SVIL: variants seen among roughly 807,000 people sequenced by gnomAD.
The protein encoded by SVIL is supervillin, also known as archvillin.
SVIL carries 101 observed loss-of-function variants against 240.4 expected under a neutral mutation model. That is an observed-to-expected ratio of 0.42 (90% CI 0.36 to 0.50). SVIL has a LOEUF of 0.50. Ranked by LOEUF, SVIL falls within the 20% of genes least tolerant of loss-of-function variation. SVIL has a pLI of 0.01. For synonymous variants in SVIL, 999 were observed against 1,100.0 expected (o/e 0.91, Z 1.82); for missense variants, 2,512 against 2,818.7 (o/e 0.89, Z 2.46).
intron 17 of SVIL, among the ~76,000 whole-genome samples, chr10:29,504,720 C>A (rs12412168): frequency 6.6e-6 from 1 of 152,044 alleles, no homozygotes; most frequent in African/African-American, 2.4e-5. Flanking sequence ...GGATATGGAG[C>A]GACAGGAACT....
Position 29,704,789 on chromosome 10 carries a change from C to T in SVIL, c.-399-18138G>A, listed in dbSNP as rs144777123. 1.4e-3 allele frequency among the ~76,000 whole-genome samples: 214 copies of T among 152,154 alleles called. 1 individual carries two copies. Among genetic ancestry groups the T allele is most frequent in the African/African-American group, 4.9e-3 (205 of 41,436 alleles). ...CTGCCCCCTCCATCCTAGCGGACAA[C>T]TCAGAGTGACTCAAGCCCTACCTAA... On this transcript the variant is annotated intron_variant, in intron 1 of 35. Transcript: ENST00000375400.
chr10:29,536,963 A>G (rs978700671), intron 6 of SVIL, among the ~76,000 whole-genome samples: 1 of 150,198 alleles, frequency 6.7e-6, no homozygotes, highest in Non-Finnish European at 1.5e-5. Flanking sequence ...CACTCTGCCC[A>G]CAAATACCAG....
Position 29,631,358 on chromosome 10 carries a change from G to T in SVIL, c.-201+3062C>A, listed in dbSNP as rs558369353. Among the ~76,000 whole-genome samples the T allele has an allele frequency of 2.8e-4, 42 of 152,344 alleles. 3 individuals carry two copies. In the South Asian group the frequency reaches 8.5e-3, roughly 31 times the overall value. On this transcript the variant is annotated intron_variant, in intron 1 of 37. Coordinates refer to ENST00000355867, the MANE Select transcript of SVIL (RefSeq NM_021738.3). The stretch of plus-strand genomic sequence containing the variant: ...AGTAGCCCAGGTAAGAGATGGCGAG[G>T]CGAGGCCAGGCGCGGTGGCTCATGC...
intron 11 of SVIL, among the ~76,000 whole-genome samples, chr10:29,530,294 TGTC>T (rs35237331): frequency 0.27 from 41,610 of 151,944 alleles, 6,082 homozygotes; most frequent in Non-Finnish European, 0.33. Context: ...CTCGTATTGT[TGTC>T]AGAAGTGTAC....
At chr10:29,520,786 C>A (rs10400102) in intron 16 of SVIL, among the ~76,000 whole-genome samples, 66,100 of 151,242 alleles carry the variant, frequency 0.44, 15,072 homozygotes, top group African/African-American at 0.56. Flanking sequence ...CATGGTGGTA[C>A]GTGTCTGCAG....
intron 1 of SVIL, among the ~76,000 whole-genome samples, chr10:29,730,839 G>A (rs997960518): frequency 6.6e-6 from 1 of 152,130 alleles, no homozygotes; most frequent in African/African-American, 2.4e-5. Context: ...GAAACTCACT[G>A]AATATCCCAA....
intron 36 of SVIL, among the ~76,000 whole-genome samples, chr10:29,459,817 G>A (rs554951702): frequency 1.6e-4 from 25 of 152,172 alleles, no homozygotes; most frequent in Admixed American, 1.4e-3. Context: ...TGGGCTGGGT[G>A]CAGTGACTTG....
intron 1 of SVIL, among the ~76,000 whole-genome samples, chr10:29,709,332 C>T (rs904524589): frequency 9.9e-5 from 15 of 152,160 alleles, no homozygotes; most frequent in African/African-American, 2.4e-4. Context: ...CAAAAAGTTT[C>T]GGATTTCAGA....
At chr10:29,734,015 C>A (rs1964763780) in intron 1 of SVIL, among the ~76,000 whole-genome samples, 1 of 152,202 alleles carries the variant, frequency 6.6e-6, no homozygotes, top group Non-Finnish European at 1.5e-5. Flanking sequence ...ACATTCAGCA[C>A]AGTGGCAAAG....
chr10:29,461,303 A>G (rs1024785622), intron 36 of SVIL, among the ~76,000 whole-genome samples: 3 of 152,186 alleles, frequency 2.0e-5, no homozygotes, highest in Non-Finnish European at 2.9e-5. Flanking sequence ...CCACAGTTGC[A>G]GTGAACAGAA....
At chr10:29,579,003 C>T (rs1480846857) in intron 1 of SVIL, among the ~76,000 whole-genome samples, 1 of 152,156 alleles carries the variant, frequency 6.6e-6, no homozygotes, top group Non-Finnish European at 1.5e-5. Context: ...GCTAAAGATT[C>T]GCTGGGGAAA....
chr10:29,639,828 T>G (rs1022499609), upstream of SVIL, among the ~76,000 whole-genome samples: 2 of 152,156 alleles, frequency 1.3e-5, no homozygotes, highest in African/African-American at 4.8e-5. Flanking sequence ...AGAAGTGGAA[T>G]GGGCAGATGG....
chr10:29,525,135 G>A (rs2132538041), intron 13 of SVIL, among the ~76,000 whole-genome samples: 1 of 152,234 alleles, frequency 6.6e-6, no homozygotes, highest in South Asian at 2.1e-4. Flanking sequence ...TAAATAATTA[G>A]GAAACGATAT....
chr10:29,688,144 T>C (rs535280696), intron 1 of SVIL, among the ~76,000 whole-genome samples: 91 of 152,312 alleles, frequency 6.0e-4, no homozygotes, highest in African/African-American at 2.0e-3. Context: ...CAAAGACACA[T>C]TGAAAATTTC....
At position 29,523,784 on chromosome 10, in the gene SVIL, A is replaced by G. The variant is rs2132533747; in HGVS notation, c.2830T>C (p.Leu944=). 1 of 1,614,088 alleles carries G rather than the reference A, an allele frequency of 6.2e-7. No individual in the cohort carries two copies. The highest frequency in any genetic ancestry group is 1.6e-4 in the Middle Eastern group (1 of 6,062). The change falls in exon 15 of 38, where the codon TTG becomes CTG. Residue 944 remains leucine (L), a synonymous_variant. Transcript: ENST00000355867. ...LVEGSENKGM[L]REYGETESKR... ...CTTTCTGTCTCTCCATATTCTCTCA[A>G]CATTCCCTTGTTCTCGCTACCCTCT...
intron 35 of SVIL, 46 bp downstream of exon 35, chr10:29,463,446 C>T: frequency 1.3e-6 from 2 of 1,589,042 alleles, no homozygotes; most frequent in Non-Finnish European, 8.6e-7. Context: ...GCCTGAGGGG[C>T]TTCCCCATCT....
intron 6 of SVIL, among the ~76,000 whole-genome samples, chr10:29,537,286 C>T (rs192137150): frequency 3.6e-3 from 547 of 152,224 alleles, no homozygotes; most frequent in African/African-American, 0.012. Flanking sequence ...AAGTAATGAG[C>T]TAAGGAACGA....
chr10:29,709,509 C>A (rs1196038428), intron 1 of SVIL, among the ~76,000 whole-genome samples: 3 of 152,210 alleles, frequency 2.0e-5, no homozygotes, highest in African/African-American at 7.2e-5. Context: ...TGGACGTGGT[C>A]AATGTCTCTC....
At chr10:29,582,573 A>G (rs1404212794) in intron 1 of SVIL, among the ~76,000 whole-genome samples, 2 of 152,122 alleles carry the variant, frequency 1.3e-5, no homozygotes, top group East Asian at 3.9e-4. Context: ...CCCCATCTTT[A>G]CCAAAAACAT....
Sources: allele counts gnomAD v4.1 joint callset (sites outside exome capture counted in the v4.1 genomes callset), GRCh38; gene constraint gnomAD v4.1.1; transcripts MANE v1.5; gene names NCBI Gene and HGNC (gene_info 2026-07-23, HGNC 2026-07-21).